Variants in FGFR2 observed in about 807,000 individuals in gnomAD.
FGFR2 encodes fibroblast growth factor receptor 2, also known as BEK fibroblast growth factor receptor.
Under a neutral mutation model 95.9 loss-of-function variants are expected in FGFR2, and 19 were observed. The observed-to-expected ratio is 0.20, with a 90% CI of 0.14 to 0.29. The LOEUF is 0.29. FGFR2 is among the 10% of genes least tolerant of loss of function. FGFR2 has a pLI of 1.00. For synonymous variants in FGFR2, 392 were observed against 393.3 expected, an observed-to-expected ratio of 1.00 and a Z score of 0.04; for missense variants, 707 against 1,056.9, an observed-to-expected ratio of 0.67 and a Z score of 4.59.
chr10:121,571,656 A>C (rs1417985253), intron 2 of FGFR2, among the ~76,000 whole-genome samples: 2 of 151,656 alleles, frequency 1.3e-5, no homozygotes, highest in Admixed American at 6.6e-5. Context: ...ACAAACAAAA[A>C]CGACTGGCCG....
At chr10:121,571,864 A>G (rs1021305970) in intron 2 of FGFR2, among the ~76,000 whole-genome samples, 17 of 151,416 alleles carry the variant, frequency 1.1e-4, no homozygotes, top group African/African-American at 3.9e-4. Flanking sequence ...AATCGCTTGA[A>G]CCCAGAAGCT....
At chr10:121,491,689 C>T (rs1047943933) in intron 13 of FGFR2, among the ~76,000 whole-genome samples, 16 of 151,576 alleles carry the variant, frequency 1.1e-4, no homozygotes, top group Admixed American at 3.3e-4. Context: ...GCTAACACAG[C>T]GAAACCCCAT....
intron 9 of FGFR2, among the ~76,000 whole-genome samples, chr10:121,512,970 A>G (rs559745313): frequency 1.3e-5 from 2 of 152,230 alleles, no homozygotes; most frequent in Non-Finnish European, 2.9e-5. Context: ...CCCAGGTTCA[A>G]GTGATTCTCC....
intron 6 of FGFR2, among the ~76,000 whole-genome samples, chr10:121,525,624 G>GGAGAGAGAGAGAGAGA (rs3035990): frequency 9.4e-5 from 14 of 149,256 alleles, no homozygotes; most frequent in African/African-American, 3.2e-4. Context: ...CATTATTGAG[G>GGAGAGAGAGAGAGAGA]GAGAGAGAGA....
intron 1 of FGFR2, among the ~76,000 whole-genome samples, chr10:121,594,538 C>T (rs1863157940): frequency 6.6e-6 from 1 of 152,188 alleles, no homozygotes; most frequent in Non-Finnish European, 1.5e-5. Flanking sequence ...CCCAGGAAGG[C>T]TACAGAAAAT....
intron 2 of FGFR2, among the ~76,000 whole-genome samples, chr10:121,592,792 G>T (rs913312966): frequency 6.6e-6 from 1 of 152,144 alleles, no homozygotes; most frequent in African/African-American, 2.4e-5. Flanking sequence ...CAGGCACCAG[G>T]TGGACTCTCC....
intron 6 of FGFR2, among the ~76,000 whole-genome samples, chr10:121,532,314 G>A (rs753291662): frequency 3.7e-4 from 56 of 152,080 alleles, no homozygotes; most frequent in African/African-American, 1.3e-3. Context: ...GTCTCTGGAC[G>A]TGCAGAATCA....
Position 121,511,199 on chromosome 10 carries a change from C to T in FGFR2, c.1287+3918G>A, listed in dbSNP as rs543714001. Among the ~76,000 whole-genome samples, 33 of 152,068 alleles carry T rather than the reference C, an allele frequency of 2.2e-4. No homozygotes were observed. In the South Asian group the frequency reaches 6.2e-3, roughly 29 times the overall value. On this transcript the variant is annotated intron_variant, in intron 9 of 17. Coordinates refer to ENST00000358487, the MANE Select transcript of FGFR2 (RefSeq NM_000141.5). ...AAAAAACAAAAAAAAAACCACCCTGCAGCCTCTTGTACCATGCTGACGGCA... is the reference window on the plus strand; with the variant it reads ...AAAAAACAAAAAAAAAACCACCCTGTAGCCTCTTGTACCATGCTGACGGCA...
intron 4 of FGFR2, among the ~76,000 whole-genome samples, chr10:121,560,615 C>CCA (rs745878179): frequency 1.9e-4 from 10 of 51,814 alleles, no homozygotes; most frequent in Admixed American, 2.8e-4. Context: ...ACTCCGTCCC[C>CCA]AAAAAAAAAA....
At chr10:121,581,810 G>A (rs941496779) in intron 2 of FGFR2, among the ~76,000 whole-genome samples, 1 of 145,978 alleles carries the variant, frequency 6.9e-6, no homozygotes, top group Non-Finnish European at 1.5e-5. Context: ...CAGCTTCATA[G>A]TCCCAGTCCC....
intron 10 of FGFR2, among the ~76,000 whole-genome samples, chr10:121,501,402 C>CAGGATATGCCTCTTAAAAGCATTTCA: frequency 6.6e-6 from 1 of 152,148 alleles, no homozygotes; most frequent in South Asian, 2.1e-4. Context: ...TGCCAAGTTA[C>CAGGATATGCCTCTTAAAAGCATTTCA]AGGATATGCC....
chr10:121,524,900 A>G (rs1851141224), intron 6 of FGFR2, among the ~76,000 whole-genome samples: 2 of 152,156 alleles, frequency 1.3e-5, no homozygotes, highest in Non-Finnish European at 2.9e-5. Flanking sequence ...ACTGATATAA[A>G]AAGAATCCCC....
At chr10:121,592,187 C>T (rs939233457) in intron 2 of FGFR2, among the ~76,000 whole-genome samples, 6 of 152,300 alleles carry the variant, frequency 3.9e-5, no homozygotes, top group African/African-American at 1.4e-4. Flanking sequence ...AACCAGCAAT[C>T]ACGGAAACAT....
chr10:121,528,614 C>T (rs1474283486), intron 6 of FGFR2, among the ~76,000 whole-genome samples: 1 of 152,198 alleles, frequency 6.6e-6, no homozygotes, highest in Non-Finnish European at 1.5e-5. Flanking sequence ...TCTGAGCAAA[C>T]AAGAAATGCC....
chr10:121,524,870 T>A (rs899716930), intron 6 of FGFR2, among the ~76,000 whole-genome samples: 3 of 152,142 alleles, frequency 2.0e-5, no homozygotes, highest in African/African-American at 7.2e-5. Context: ...CCCCTCAAGT[T>A]TGCAACTTTT....
rs150598483 is a variant in FGFR2 at position 121,551,371 on chromosome 10, G to A, written c.543C>T (p.Ala181=). The A allele has an allele frequency of 4.8e-5, 78 of 1,614,060 alleles. 1 individual carries two copies. The African/African-American group carries it at 5.1e-4, about 10-fold the overall frequency. ...GCATGGTTGGCATTGGGTTCCCCCCGGCTGGGCAGCGAAACTTGACAGTGT... is the reference window on the plus strand; with the variant it reads ...GCATGGTTGGCATTGGGTTCCCCCCAGCTGGGCAGCGAAACTTGACAGTGT... ...AANTVKFRCP[A]GGNPMPTMRW... The change falls in exon 5 of 18, where the codon GCC becomes GCT. Residue 181 remains alanine (A), a synonymous_variant. Transcript: ENST00000358487.
At chr10:121,541,615 C>T (rs1196745652) in intron 5 of FGFR2, among the ~76,000 whole-genome samples, 1 of 152,152 alleles carries the variant, frequency 6.6e-6, no homozygotes, top group Non-Finnish European at 1.5e-5. Context: ...ACCGTCTTTG[C>T]TTTCAGAGAA....
At position 121,518,764 on chromosome 10, in the gene FGFR2, A is replaced by C; in HGVS notation, c.939+1215T>G. On this transcript the variant is annotated intron_variant, in intron 7 of 17. Coordinates refer to ENST00000358487, the MANE Select transcript of FGFR2 (RefSeq NM_000141.5). This position sits in a 1 kb window ranked among gnomAD's most constrained non-coding sequence, Gnocchi z 4.0. Reference sequence around the variant, plus strand: ...TGGAGACCTTACATATATATTCCCCAGCATCCGCCTCGGTCACATTGAACA... The same window carrying C: ...TGGAGACCTTACATATATATTCCCCCGCATCCGCCTCGGTCACATTGAACA... The C allele has an allele frequency of 1.2e-6, 2 of 1,614,202 alleles. No individual in the cohort carries two copies. The highest frequency in any genetic ancestry group is 4.5e-5 in the East Asian group (2 of 44,894).
intron 5 of FGFR2, among the ~76,000 whole-genome samples, chr10:121,549,648 C>T (rs1181300410): frequency 6.6e-6 from 1 of 152,178 alleles, no homozygotes; most frequent in Admixed American, 6.5e-5. Flanking sequence ...CTGGCTCCTC[C>T]TTTGCTCAAC....
Sources: gnomAD v4.1 joint callset for allele counts (sites outside exome capture counted in the v4.1 genomes callset) on GRCh38, gnomAD v4.1.1 for gene constraint, Gnocchi (gnomAD v3.1) non-coding constraint, MANE v1.5 for transcripts, NCBI Gene and HGNC (gene_info 2026-07-23, HGNC 2026-07-21) for gene names.